Variants in MYOM2 observed in about 807,000 individuals in gnomAD.
MYOM2 encodes myomesin 2.
Under a neutral mutation model 187.6 loss-of-function variants are expected in MYOM2, and 254 were observed. The ratio of observed to expected loss-of-function variants is 1.35; its 90% CI spans 1.22 to 1.50. The LOEUF is 1.50. Among genes scored for constraint, MYOM2 ranks in the 40% most tolerant of loss-of-function variants. The pLI is 0.00. For missense variants in MYOM2, 2,796 were observed against 1,924.0 expected, an observed-to-expected ratio of 1.45 and a Z score of -8.48; for synonymous variants, 981 against 753.8, an observed-to-expected ratio of 1.30 and a Z score of -4.94.
At chr8:2,121,774 C>G (rs1481466829) in intron 28 of MYOM2, among the ~76,000 whole-genome samples, 1 of 152,186 alleles carries the variant, frequency 6.6e-6, no homozygotes, top group Non-Finnish European at 1.5e-5. Context: ...TTAAACATTC[C>G]TTACACAGCA....
chr8:2,057,022 C>G (rs1346116844), intron 3 of MYOM2, among the ~76,000 whole-genome samples: 2 of 152,188 alleles, frequency 1.3e-5, no homozygotes, highest in African/African-American at 4.8e-5. Context: ...GGTAATTCTC[C>G]AAAGCATCTC....
intron 35 of MYOM2, among the ~76,000 whole-genome samples, chr8:2,143,171 G>C (rs1296119746): frequency 6.6e-6 from 1 of 152,086 alleles, no homozygotes; most frequent in Admixed American, 6.5e-5. Context: ...CCTCTGGAGT[G>C]TTTCTCCCCC....
intron 35 of MYOM2, 46 bp downstream of exon 35, chr8:2,142,443 T>C (rs1798305867): frequency 6.2e-7 from 1 of 1,603,422 alleles, no homozygotes; most frequent in Admixed American, 1.7e-5. Context: ...TTATTTGGGG[T>C]GGGGCAAAAG....
intron 10 of MYOM2, among the ~76,000 whole-genome samples, chr8:2,074,155 T>C (rs1033424277): frequency 5.3e-5 from 8 of 152,222 alleles, no homozygotes; most frequent in African/African-American, 1.9e-4. Flanking sequence ...TACAGATATA[T>C]ATATTTATAA....
chr8:2,093,819 A>G, intron 16 of MYOM2, 151 bp from the exon 17 acceptor site: 1 of 927,416 alleles, frequency 1.1e-6, no homozygotes, highest in Non-Finnish European at 1.6e-6. Context: ...GTCGGACTCT[A>G]CATGTTGAGC....
chr8:2,087,437 T>G (rs1222026657), intron 14 of MYOM2, among the ~76,000 whole-genome samples: 4 of 152,112 alleles, frequency 2.6e-5, no homozygotes, highest in Admixed American at 2.0e-4. Flanking sequence ...ACTAGAAATA[T>G]TTCAGGGTAA....
chr8:2,054,071 C>G (rs1818578673), intron 3 of MYOM2, among the ~76,000 whole-genome samples: 1 of 152,168 alleles, frequency 6.6e-6, no homozygotes, highest in African/African-American at 2.4e-5. Flanking sequence ...TCCATGGATT[C>G]CAGCCCTTAT....
chr8:2,068,055 C>T (rs903185559), intron 6 of MYOM2, among the ~76,000 whole-genome samples: 11 of 152,194 alleles, frequency 7.2e-5, no homozygotes, highest in African/African-American at 2.7e-4. Flanking sequence ...TCGGTGGTTT[C>T]ATCCCAGGAT....
At chr8:2,125,951 C>T (rs1453026682) in intron 31 of MYOM2, among the ~76,000 whole-genome samples, 8 of 151,740 alleles carry the variant, frequency 5.3e-5, no homozygotes, top group Non-Finnish European at 1.0e-4. Flanking sequence ...AAAACAACAT[C>T]GAAATTTTGA....
intron 33 of MYOM2, 92 bp downstream of exon 33, chr8:2,140,978 C>G: frequency 3.0e-6 from 4 of 1,353,356 alleles, no homozygotes; most frequent in Non-Finnish European, 4.0e-6. Context: ...ATACAAGAGA[C>G]AATATGAATT....
chr8:2,076,582 G>C, intron 11 of MYOM2: 1 of 346,210 alleles, frequency 2.9e-6, no homozygotes, highest in Non-Finnish European at 5.3e-6. Context: ...GCCCCGCGCT[G>C]TGGTTCTGCT....
chr8:2,048,559 A>ACTAGGG (rs1554537787), intron 1 of MYOM2, among the ~76,000 whole-genome samples: 5 of 152,098 alleles, frequency 3.3e-5, no homozygotes, highest in African/African-American at 1.2e-4. Context: ...CGATTTCGGT[A>ACTAGGG]CCAGGGCCAG....
intron 15 of MYOM2, among the ~76,000 whole-genome samples, chr8:2,092,070 G>A (rs563395992): frequency 2.5e-5 from 1 of 40,538 alleles, no homozygotes; most frequent in Non-Finnish European, 7.4e-5. Flanking sequence ...CTTTTAAACA[G>A]CTCTGATGGG....
intron 19 of MYOM2, among the ~76,000 whole-genome samples, chr8:2,100,109 TTTCTTTCC>T (rs1796644776): frequency 1.6e-5 from 1 of 64,510 alleles, no homozygotes; most frequent in East Asian, 5.6e-4. Flanking sequence ...TCCTTCCTTC[TTTCTTTCC>T]TTCCTTCCTT....
intron 6 of MYOM2, among the ~76,000 whole-genome samples, chr8:2,065,911 GA>G (rs939384400): frequency 2.0e-5 from 3 of 152,208 alleles, no homozygotes; most frequent in African/African-American, 7.2e-5. Flanking sequence ...CACGGAGGAA[GA>G]AATGTGCAGC....
At chr8:2,107,723 G>A (rs1796941760) in intron 23 of MYOM2, among the ~76,000 whole-genome samples, 1 of 152,146 alleles carries the variant, frequency 6.6e-6, no homozygotes, top group African/African-American at 2.4e-5. Context: ...GGTGGGGAAG[G>A]ACCCAAAATC....
At chr8:2,090,306 A>G (rs1158291000) in intron 15 of MYOM2, 115 bp downstream of exon 15, 7 of 1,025,096 alleles carry the variant, frequency 6.8e-6, no homozygotes, top group Non-Finnish European at 9.5e-6. Flanking sequence ...TTGAAGTTCA[A>G]GTGGACTTAA....
chr8:2,128,006 T>C (rs1428859895), intron 31 of MYOM2: 2 of 152,246 alleles, frequency 1.3e-5, no homozygotes, highest in Non-Finnish European at 2.9e-5. Flanking sequence ...ATACCGTTCA[T>C]GTTGTTTTTT....
At chr8:2,111,399 A>G (rs577759934) in intron 25 of MYOM2, among the ~76,000 whole-genome samples, 2 of 152,354 alleles carry the variant, frequency 1.3e-5, no homozygotes, top group South Asian at 2.1e-4. Context: ...CACAGCAGCT[A>G]AGAAAATGGA....
Sources: gnomAD v4.1 joint callset for allele counts (sites outside exome capture counted in the v4.1 genomes callset) on GRCh38, gnomAD v4.1.1 for gene constraint, MANE v1.5 for transcripts, NCBI Gene and HGNC (gene_info 2026-07-23, HGNC 2026-07-21) for gene names.